Variants in ZNF385B observed in about 807,000 individuals in gnomAD.
The protein encoded by ZNF385B is zinc finger protein 385B.
In ZNF385B, 23 loss-of-function variants were observed where a neutral mutation model predicts 39.2. The ratio of observed to expected loss-of-function variants is 0.59; its 90% CI spans 0.42 to 0.83. The LOEUF (loss-of-function observed/expected upper bound fraction) is 0.83. Among genes scored for constraint, ZNF385B ranks in the 40% least tolerant of loss-of-function variants. The pLI is 0.00. For missense variants in ZNF385B, 552 were observed against 598.9 expected (o/e 0.92, Z 0.82); for synonymous variants, 205 against 222.6 (o/e 0.92, Z 0.70).
intron 1 of ZNF385B, among the ~76,000 whole-genome samples, chr2:179,804,101 T>C (rs997150470): frequency 6.6e-6 from 1 of 152,220 alleles, no homozygotes; most frequent in Non-Finnish European, 1.5e-5. Flanking sequence ...TCTCCAACAC[T>C]GGTTTTTGTT....
At chr2:179,782,111 C>T (rs1304208078) in intron 1 of ZNF385B, among the ~76,000 whole-genome samples, 2 of 152,104 alleles carry the variant, frequency 1.3e-5, no homozygotes, top group Non-Finnish European at 2.9e-5. Context: ...CTGAATCCAG[C>T]AGTACTTCAA....
intron 3 of ZNF385B, among the ~76,000 whole-genome samples, chr2:179,626,433 C>G (rs994109811): frequency 6.6e-6 from 1 of 152,108 alleles, no homozygotes; most frequent in Admixed American, 6.6e-5. Flanking sequence ...CTCAGAAATC[C>G]AAAATACGTA....
chr2:179,588,162 C>T (rs945060771), intron 3 of ZNF385B, among the ~76,000 whole-genome samples: 1 of 152,136 alleles, frequency 6.6e-6, no homozygotes, highest in Admixed American at 6.5e-5. Context: ...CATCTCGGCT[C>T]ACTGCAAGCT....
At chr2:179,488,492 C>G (rs1271866046) in intron 5 of ZNF385B, among the ~76,000 whole-genome samples, 1 of 152,092 alleles carries the variant, frequency 6.6e-6, no homozygotes. Flanking sequence ...TGGCTAGAAT[C>G]TTGAATGAGG....
intron 3 of ZNF385B, among the ~76,000 whole-genome samples, chr2:179,663,900 G>A (rs1158883874): frequency 1.3e-5 from 2 of 152,018 alleles, no homozygotes; most frequent in African/African-American, 4.8e-5. Context: ...AAATTGTCCA[G>A]GGTCACAAAT....
intron 3 of ZNF385B, among the ~76,000 whole-genome samples, chr2:179,696,326 C>CTTTTTTTTTTG (rs1698747700): frequency 2.5e-5 from 1 of 40,354 alleles, no homozygotes; most frequent in Non-Finnish European, 4.1e-5. Flanking sequence ...CAAACTGGGA[C>CTTTTTTTTTTG]TTTTTTTTTT....
intron 4 of ZNF385B, among the ~76,000 whole-genome samples, chr2:179,537,751 A>ACC (rs2059666473): frequency 7.5e-6 from 1 of 134,182 alleles, no homozygotes; most frequent in African/African-American, 3.0e-5. Flanking sequence ...AAAAACAAAC[A>ACC]AACAAACAAA....
At chr2:179,737,428 TGGCCCCCAC>T (rs1290221152) in intron 3 of ZNF385B, among the ~76,000 whole-genome samples, 2 of 152,150 alleles carry the variant, frequency 1.3e-5, no homozygotes, top group African/African-American at 4.8e-5. Context: ...ATTCTTTATG[TGGCCCCCAC>T]CTACTCAAAA....
intron 3 of ZNF385B, among the ~76,000 whole-genome samples, chr2:179,730,616 C>A (rs549060108): frequency 6.6e-6 from 1 of 152,118 alleles, no homozygotes; most frequent in African/African-American, 2.4e-5. Context: ...ACTTCCAAAT[C>A]AATTATTGCA....
chr2:179,628,550 T>C (rs1011169979), intron 3 of ZNF385B, among the ~76,000 whole-genome samples: 1 of 152,220 alleles, frequency 6.6e-6, no homozygotes, highest in Admixed American at 6.5e-5. Context: ...AGTGGGGTTG[T>C]ACTTCTATAT....
chr2:179,809,295 C>T lies in ZNF385B; in HGVS notation c.-154-38623G>A, dbSNP rs533034345. 1.3e-4 allele frequency among the ~76,000 whole-genome samples: 20 copies of T among 152,232 alleles called. No individual in the cohort carries two copies. The South Asian group carries it at 3.1e-3, about 24-fold the overall frequency. ...AGAACTTTGTCTCATGAAGAGAACT[C>T]GTAAAGAGTTTCAGTAAAACTCTCT... On this transcript the variant is annotated intron_variant, in intron 1 of 9. Transcript: ENST00000410066.
chr2:179,480,162 T>C (rs190120747), intron 6 of ZNF385B, among the ~76,000 whole-genome samples: 25 of 152,316 alleles, frequency 1.6e-4, no homozygotes, highest in African/African-American at 5.5e-4. Context: ...GAATCACAGA[T>C]ACTACTTAAG....
At chr2:179,827,759 G>A (rs1469171324) in intron 1 of ZNF385B, among the ~76,000 whole-genome samples, 1 of 152,036 alleles carries the variant, frequency 6.6e-6, no homozygotes, top group Non-Finnish European at 1.5e-5. Flanking sequence ...ATGCATACAA[G>A]CAAACATCAT....
At chr2:179,794,573 C>T (rs144436189) in intron 1 of ZNF385B, among the ~76,000 whole-genome samples, 33 of 152,252 alleles carry the variant, frequency 2.2e-4, no homozygotes, top group Middle Eastern at 3.4e-3. Context: ...ACATTTATTG[C>T]CTCCTAATAT....
chr2:179,765,951 A>G (rs915385016), intron 3 of ZNF385B, among the ~76,000 whole-genome samples: 1 of 151,832 alleles, frequency 6.6e-6, no homozygotes, highest in Non-Finnish European at 1.5e-5. Context: ...TTCATAAAAC[A>G]TTTGGCTAGG....
chr2:179,730,636 A>C (rs1701327054), intron 3 of ZNF385B, among the ~76,000 whole-genome samples: 1 of 152,046 alleles, frequency 6.6e-6, no homozygotes, highest in Non-Finnish European at 1.5e-5. Flanking sequence ...AATAAAGTCC[A>C]TTTGTAAATT....
At chr2:179,810,753 ATGG>A (rs1403083370) in intron 1 of ZNF385B, among the ~76,000 whole-genome samples, 1 of 152,106 alleles carries the variant, frequency 6.6e-6, no homozygotes, top group African/African-American at 2.4e-5. Flanking sequence ...CTCTTCCAAG[ATGG>A]TGGAATAGAG....
chr2:179,847,083 A>G (rs1348476793), intron 1 of ZNF385B, among the ~76,000 whole-genome samples: 1 of 152,232 alleles, frequency 6.6e-6, no homozygotes, highest in African/African-American at 2.4e-5. Context: ...TCGCTGAAGA[A>G]CACAAATATA....
intron 6 of ZNF385B, among the ~76,000 whole-genome samples, chr2:179,463,687 C>T (rs1559269458): frequency 6.6e-6 from 1 of 152,090 alleles, no homozygotes; most frequent in Non-Finnish European, 1.5e-5. Context: ...ATGAACTCAT[C>T]TTTTTTATGG....
Sources: gnomAD v4.1 joint callset for allele counts (sites outside exome capture counted in the v4.1 genomes callset) on GRCh38, gnomAD v4.1.1 for gene constraint, MANE v1.5 for transcripts, NCBI Gene and HGNC (gene_info 2026-07-23, HGNC 2026-07-21) for gene names.